The following NOL4L variants were observed in gnomAD, a reference collection of about 807,000 sequenced individuals.
NOL4L encodes nucleolar protein 4-like.
In NOL4L, 7 loss-of-function variants were observed where a neutral mutation model predicts 64.5. The observed-to-expected ratio is 0.11, with a 90% confidence interval of 0.06 to 0.20. NOL4L has a LOEUF of 0.20. Among genes scored for constraint, NOL4L ranks in the 10% least tolerant of loss-of-function variants. The probability of loss-of-function intolerance (pLI) is 1.00; values close to 1 mark genes in which losing one functional copy is unlikely to be tolerated. For synonymous variants in NOL4L, 413 were observed against 401.0 expected, an observed-to-expected ratio of 1.03 and a Z score of -0.36; for missense variants, 680 against 967.1, an observed-to-expected ratio of 0.70 and a Z score of 3.94.
In NOL4L at chr20:32,498,033, C is replaced by T. The variant is rs149747592; in HGVS notation, c.699+13314G>A. Among the ~76,000 whole-genome samples, 294 of 152,340 alleles carry T rather than the reference C, an allele frequency of 1.9e-3. 1 individual carries two copies. Among genetic ancestry groups the T allele is most frequent in the Non-Finnish European group, 1.4e-3 (98 of 68,034 alleles). On this transcript the variant is annotated intron_variant, in intron 4 of 10. Coordinates refer to ENST00000621426, the MANE Select transcript of NOL4L (RefSeq NM_001256798.2). ...CCCAGATAATAAAGTTGAAAGGCCA[C>T]CTTGGCATTCTCGCATTTGTAGGGG...
At chr20:32,483,870 G>T (rs541229042) in intron 4 of NOL4L, among the ~76,000 whole-genome samples, 28 of 140,282 alleles carry the variant, frequency 2.0e-4, no homozygotes, top group East Asian at 1.9e-3. Flanking sequence ...GGCCAGGTAG[G>T]GGGGGATAAG....
chr20:32,478,924 G>T (rs1369007545), intron 4 of NOL4L, among the ~76,000 whole-genome samples: 3 of 152,140 alleles, frequency 2.0e-5, no homozygotes, highest in African/African-American at 7.2e-5. Context: ...AGTCTATTAA[G>T]CCTAACTTTT....
chr20:32,487,998 G>A (rs1335578944), intron 4 of NOL4L, among the ~76,000 whole-genome samples: 1 of 150,492 alleles, frequency 6.6e-6, no homozygotes, highest in East Asian at 1.9e-4. Context: ...GGCACGATCT[G>A]GGCTCACTGC....
chr20:32,495,402 C>G (rs779447680), intron 4 of NOL4L, among the ~76,000 whole-genome samples: 73 of 152,302 alleles, frequency 4.8e-4, no homozygotes, highest in Non-Finnish European at 9.1e-4. Flanking sequence ...CAAGCCAAAG[C>G]TCAGGGCTGC....
Position 32,535,572 on chromosome 20 carries a change from C to A in NOL4L, c.322-7659G>T, listed in dbSNP as rs2018493493. ...AAGACCTCCTTTCTGCTTCGCTGAA[C>A]CTCCATCTTCTTTCAAATCACGCTG... is the stretch of plus-strand genomic sequence containing the variant. On this transcript the variant is annotated intron_variant, in intron 1 of 10. Coordinates refer to ENST00000621426, the MANE Select transcript of NOL4L (RefSeq NM_001256798.2). The A allele has an allele frequency of 1.2e-5, 12 of 985,496 alleles. No homozygotes were observed. In the South Asian group the frequency reaches 3.8e-4, roughly 31 times the overall value. 61.0% of individuals were successfully genotyped at this position (985,496 alleles called of 1,614,324 possible).
At chr20:32,523,890 C>A (rs754959694) in intron 2 of NOL4L, among the ~76,000 whole-genome samples, 1 of 152,182 alleles carries the variant, frequency 6.6e-6, no homozygotes, top group South Asian at 2.1e-4. Context: ...GGCCCCATTT[C>A]ACTCCCCAAC....
chr20:32,525,754 A>ATATTTTT (rs2018110096), intron 2 of NOL4L, among the ~76,000 whole-genome samples: 1 of 151,642 alleles, frequency 6.6e-6, no homozygotes. Flanking sequence ...ATTTTTTAAT[A>ATATTTTT]TATTTTTTAT....
intron 4 of NOL4L, among the ~76,000 whole-genome samples, chr20:32,508,211 G>A (rs1033072699): frequency 1.3e-5 from 2 of 152,214 alleles, no homozygotes; most frequent in Admixed American, 1.3e-4. Flanking sequence ...GACAGCAGCC[G>A]AACCTGTCCT....
intron 1 of NOL4L, among the ~76,000 whole-genome samples, chr20:32,565,754 T>A (rs1232423259): frequency 3.9e-5 from 6 of 152,220 alleles, no homozygotes; most frequent in African/African-American, 1.2e-4. Context: ...GTTAAGTTGT[T>A]AGGTTCTGGT....
chr20:32,532,725 A>G (rs766491205), intron 1 of NOL4L, among the ~76,000 whole-genome samples: 2 of 152,186 alleles, frequency 1.3e-5, no homozygotes, highest in Non-Finnish European at 2.9e-5. Flanking sequence ...CTTTATCTAT[A>G]GGCTGGATCA....
chr20:32,459,730 G>A (rs2424888), intron 5 of NOL4L, among the ~76,000 whole-genome samples: 72,565 of 151,926 alleles, frequency 0.48, 18,668 homozygotes, highest in East Asian at 0.97. Context: ...AACAGGTCTC[G>A]CTATATTGCC....
chr20:32,475,488 T>C (rs1389082595), intron 4 of NOL4L: 1 of 277,632 alleles, frequency 3.6e-6, no homozygotes, highest in Non-Finnish European at 5.5e-6. Context: ...GCCTGCCTCC[T>C]CTCTCCTCGC....
intron 4 of NOL4L, among the ~76,000 whole-genome samples, chr20:32,476,940 A>G (rs1053959700): frequency 6.6e-6 from 1 of 152,220 alleles, no homozygotes; most frequent in Non-Finnish European, 1.5e-5. Context: ...AGGCACAGGC[A>G]GCAGCAAGTG....
chr20:32,446,847 G>T lies in NOL4L; in HGVS notation c.*749C>A, dbSNP rs1260766591. 1 of 220,036 alleles carries T rather than the reference G, an allele frequency of 4.5e-6. No homozygotes were observed. Among genetic ancestry groups the T allele is most frequent in the Non-Finnish European group, 9.1e-6 (1 of 109,332 alleles). The allele number at this position is 220,036 out of a possible 1,614,324, so 13.6% of individuals were successfully genotyped here. A position where few individuals can be genotyped will look rare whatever the true frequency, so the allele number is the denominator to read the frequency against. On this transcript the variant is annotated 3_prime_UTR_variant, in exon 11 of 11. Transcript: ENST00000621426. ...ACTGGGGCTTCTGTAGAATGGGGTC[G>T]GGGTGCCTCTTTTGTTTTGCTTTGC...
At chr20:32,470,102 G>A (rs1055522398) in intron 5 of NOL4L, among the ~76,000 whole-genome samples, 12 of 152,250 alleles carry the variant, frequency 7.9e-5, no homozygotes, top group African/African-American at 2.7e-4. Context: ...TGCAGAAGGC[G>A]GATGCAGGCC....
intron 4 of NOL4L, among the ~76,000 whole-genome samples, chr20:32,488,860 TTTCTTTC>T (rs2016315184): frequency 9.6e-5 from 10 of 103,704 alleles, no homozygotes; most frequent in African/African-American, 1.6e-4. Flanking sequence ...TCTTTCTTTC[TTTCTTTC>T]TTTCTTTCTT....
chr20:32,570,129 A>G (rs549646895), intron 1 of NOL4L, among the ~76,000 whole-genome samples: 1 of 152,220 alleles, frequency 6.6e-6, no homozygotes, highest in East Asian at 1.9e-4. Flanking sequence ...AGGGAGGTTA[A>G]TTAATTTCCC....
At chr20:32,568,793 G>C (rs1979589811) in intron 1 of NOL4L, among the ~76,000 whole-genome samples, 1 of 152,186 alleles carries the variant, frequency 6.6e-6, no homozygotes, top group African/African-American at 2.4e-5. Flanking sequence ...CCAGGCTCCT[G>C]AGTCTCTCCG....
At chr20:32,471,035 G>T (rs561782144) in intron 5 of NOL4L, among the ~76,000 whole-genome samples, 2 of 152,366 alleles carry the variant, frequency 1.3e-5, no homozygotes, top group African/African-American at 4.8e-5. Flanking sequence ...ACTTCAGAGT[G>T]TGGGGAACTG....
Sources: allele counts gnomAD v4.1 joint callset (sites outside exome capture counted in the v4.1 genomes callset), GRCh38; gene constraint gnomAD v4.1.1; transcripts MANE v1.5; gene names NCBI Gene and HGNC (gene_info 2026-07-23, HGNC 2026-07-21).